Variants in FRRS1 observed in about 807,000 individuals in gnomAD.
FRRS1 encodes ferric reductase 1.
In FRRS1, 51 loss-of-function variants were observed where a neutral mutation model predicts 70.7. The ratio of observed to expected loss-of-function variants is 0.72; its 90% CI spans 0.58 to 0.91. The LOEUF (loss-of-function observed/expected upper bound fraction) is 0.91. Among genes scored for constraint, FRRS1 ranks in the 40% least tolerant of loss-of-function variants. The pLI is 0.00. For synonymous variants in FRRS1, 225 were observed against 238.7 expected (o/e 0.94, Z 0.53); for missense variants, 672 against 726.0 (o/e 0.93, Z 0.86).
chr1:99,713,468 T>G (rs112035674), intron 12 of FRRS1, among the ~76,000 whole-genome samples: 3 of 152,324 alleles, frequency 2.0e-5, no homozygotes, highest in African/African-American at 7.2e-5. Flanking sequence ...AAAAGATAGG[T>G]TGACTGACCC....
At chr1:99,715,466 A>G in intron 12 of FRRS1, 120 bp downstream of exon 12, 1 of 640,856 alleles carries the variant, frequency 1.6e-6, no homozygotes. Flanking sequence ...ATGATTCAAA[A>G]GGGAAAGAAA....
intron 15 of FRRS1, among the ~76,000 whole-genome samples, chr1:99,709,719 G>A (rs988177397): frequency 1.3e-5 from 2 of 152,138 alleles, no homozygotes; most frequent in Non-Finnish European, 2.9e-5. Flanking sequence ...TGCAATCCCA[G>A]CACTTTGGAA....
intron 12 of FRRS1, among the ~76,000 whole-genome samples, chr1:99,715,266 C>A (rs1345023338): frequency 1.3e-5 from 2 of 152,100 alleles, no homozygotes; most frequent in Admixed American, 6.5e-5. Context: ...TAGAGAAAAC[C>A]ACTCACATTG....
intron 9 of FRRS1, among the ~76,000 whole-genome samples, chr1:99,721,663 A>T (rs144096219): frequency 2.0e-3 from 306 of 149,564 alleles, no homozygotes; most frequent in African/African-American, 6.9e-3. Context: ...CAGTGGCACG[A>T]TCTTGGCTCA....
At chr1:99,714,615 T>A (rs1452399546) in intron 12 of FRRS1, among the ~76,000 whole-genome samples, 1 of 152,254 alleles carries the variant, frequency 6.6e-6, no homozygotes, top group Non-Finnish European at 1.5e-5. Flanking sequence ...CTCACACTCC[T>A]ACAGTAGTAT....
chr1:99,708,105 T>A lies in FRRS1; in HGVS notation c.*923A>T, dbSNP rs1425431988. ...TTTCATTGCTAAGCAATTCATAATA[T>A]ATTTAAATGCTGGTAAAACCTACAA... On this transcript the variant is annotated 3_prime_UTR_variant, in exon 17 of 17. Transcript: ENST00000646001. Among the ~76,000 whole-genome samples the A allele has an allele frequency of 6.6e-6, 1 of 152,202 alleles. No individual in the cohort carries two copies. Among genetic ancestry groups the A allele is most frequent in the Non-Finnish European group, 1.5e-5 (1 of 68,044 alleles).
intron 6 of FRRS1, among the ~76,000 whole-genome samples, chr1:99,739,081 G>T (rs959244273): frequency 6.6e-6 from 1 of 152,132 alleles, no homozygotes; most frequent in Non-Finnish European, 1.5e-5. Context: ...CAAGCCACTG[G>T]GGAATTAAGA....
At chr1:99,740,146 A>C (rs962693259) in intron 6 of FRRS1, among the ~76,000 whole-genome samples, 1 of 152,200 alleles carries the variant, frequency 6.6e-6, no homozygotes, top group Non-Finnish European at 1.5e-5. Flanking sequence ...CACCATTTCA[A>C]GAATCTCCTC....
At chr1:99,731,581 T>TA (rs1271682955) in intron 7 of FRRS1, among the ~76,000 whole-genome samples, 3 of 152,224 alleles carry the variant, frequency 2.0e-5, no homozygotes, top group African/African-American at 7.2e-5. Flanking sequence ...AGCTCATAGT[T>TA]TAAGAATGAC....
At chr1:99,745,732 C>T (rs1656224792) in intron 4 of FRRS1, among the ~76,000 whole-genome samples, 3 of 152,054 alleles carry the variant, frequency 2.0e-5, no homozygotes, top group African/African-American at 7.3e-5. Flanking sequence ...GGATATTTGT[C>T]CCCACCCAAC....
chr1:99,719,998 AT>A (rs1286570572), intron 9 of FRRS1, among the ~76,000 whole-genome samples: 2 of 152,340 alleles, frequency 1.3e-5, no homozygotes, highest in Non-Finnish European at 2.9e-5. Context: ...GTTAAAAAAA[AT>A]ATTGAAAGAG....
At chr1:99,742,880 T>G (rs1177859253) in intron 4 of FRRS1, among the ~76,000 whole-genome samples, 1 of 152,210 alleles carries the variant, frequency 6.6e-6, no homozygotes, top group Non-Finnish European at 1.5e-5. Context: ...TATGTGTTCA[T>G]AGATGTGCTT....
At position 99,743,388 on chromosome 1, in the gene FRRS1, T is replaced by C. The variant is rs141409827; in HGVS notation, c.334-1115A>G. Among the ~76,000 whole-genome samples, 84 of 152,232 alleles carry C rather than the reference T, an allele frequency of 5.5e-4. No homozygotes were observed. In the East Asian group the frequency reaches 0.016, roughly 28 times the overall value. ...TATACAGATTTTTTTTCAATATATA[T>C]ATTAGAAAAGCGTTTGGAGGTTTTC... is the stretch of plus-strand genomic sequence containing the variant. On this transcript the variant is annotated intron_variant, in intron 4 of 16. Transcript: ENST00000646001.
In FRRS1 at chr1:99,708,342, G is replaced by T. The variant is rs1192637461; in HGVS notation, c.*686C>A. Among the ~76,000 whole-genome samples, 1 of 151,982 alleles carries T rather than the reference G, an allele frequency of 6.6e-6. No homozygotes were observed. The highest frequency in any genetic ancestry group is 2.4e-5 in the African/African-American group (1 of 41,356). ...AGGCTGGGCGTGGTGGCTCACGCCTGTAATCCCAGCACTTTGGGAAGCTGA... is the reference window on the plus strand; with the variant it reads ...AGGCTGGGCGTGGTGGCTCACGCCTTTAATCCCAGCACTTTGGGAAGCTGA... On this transcript the variant is annotated 3_prime_UTR_variant, in exon 17 of 17. Transcript: ENST00000646001.
intron 6 of FRRS1, among the ~76,000 whole-genome samples, chr1:99,738,609 G>A (rs1490450396): frequency 6.6e-6 from 1 of 152,132 alleles, no homozygotes; most frequent in Admixed American, 6.6e-5. Context: ...TAGGTTTTGA[G>A]AAATTTTTGA....
intron 4 of FRRS1, among the ~76,000 whole-genome samples, chr1:99,746,884 C>T (rs1591776): frequency 0.49 from 75,064 of 151,914 alleles, 22,554 homozygotes; most frequent in African/African-American, 0.85. Context: ...CAGTGTGGTG[C>T]CTCTCCTGCC....
intron 1 of FRRS1, among the ~76,000 whole-genome samples, chr1:99,756,445 C>T (rs968682926): frequency 7.6e-5 from 8 of 105,716 alleles, no homozygotes; most frequent in African/African-American, 7.1e-4. Context: ...GATAAAACCT[C>T]AAAGCAAGTA....
intron 3 of FRRS1, 40 bp from the exon 4 acceptor site, chr1:99,747,470 A>G (rs1429178199): frequency 3.2e-6 from 5 of 1,581,640 alleles, no homozygotes; most frequent in Non-Finnish European, 4.3e-6. Flanking sequence ...AAGCTTAGTA[A>G]TATCAAAAAA....
intron 1 of FRRS1, among the ~76,000 whole-genome samples, chr1:99,753,415 C>T (rs1656672905): frequency 6.6e-6 from 1 of 151,266 alleles, no homozygotes; most frequent in Non-Finnish European, 1.5e-5. Context: ...AAAAGACAAA[C>T]ATTCGATTTG....
Sources: gnomAD v4.1 joint callset for allele counts (sites outside exome capture counted in the v4.1 genomes callset) on GRCh38, gnomAD v4.1.1 for gene constraint, MANE v1.5 for transcripts, NCBI Gene and HGNC (gene_info 2026-07-23, HGNC 2026-07-21) for gene names.